Variants in DCHS2 observed in about 807,000 individuals in gnomAD.
DCHS2 encodes dachsous cadherin-related 2.
DCHS2 carries 142 observed loss-of-function variants against 182.4 expected under a neutral mutation model. The observed-to-expected ratio is 0.78, with a 90% CI of 0.68 to 0.89. DCHS2 has a LOEUF of 0.89. DCHS2 is among the 40% of genes least tolerant of loss of function. The pLI is 0.00. For missense variants in DCHS2, 4,319 were observed against 4,198.6 expected, an observed-to-expected ratio of 1.03 and a Z score of -0.79; for synonymous variants, 1,740 against 1,663.3, an observed-to-expected ratio of 1.05 and a Z score of -1.12.
intron 13 of DCHS2, among the ~76,000 whole-genome samples, chr4:154,285,617 T>G (rs1423754415): frequency 6.6e-6 from 1 of 151,314 alleles, no homozygotes; most frequent in Non-Finnish European, 1.5e-5. Context: ...GGGCCTGGAG[T>G]GGTGGTGGCC....
rs114744397 is a variant in DCHS2 at position 154,328,499 on chromosome 4, T to A, written c.3919-307A>T. 5.5e-3 allele frequency among the ~76,000 whole-genome samples: 844 copies of A among 152,308 alleles called. 7 individuals are homozygous for A. Among genetic ancestry groups the A allele is most frequent in the African/African-American group, 0.019 (807 of 41,572 alleles). On this transcript the variant is annotated intron_variant, in intron 6 of 19. Transcript: ENST00000357232. ...GATTTTTGGTGTATTTTAAGATTTC[T>A]AGCATATTCTCATTCATCATCTCTT...
chr4:154,274,825 T>A (rs1395222702), intron 13 of DCHS2, among the ~76,000 whole-genome samples: 1 of 151,754 alleles, frequency 6.6e-6, no homozygotes, highest in Non-Finnish European at 1.5e-5. Context: ...TTTAACTAAC[T>A]TTTTTTTCAA....
At position 154,239,219 on chromosome 4, in the gene DCHS2, A is replaced by G. The variant is rs758828161; in HGVS notation, c.7443T>C (p.Ser2481=). The change falls in exon 19 of 20, where the codon TCT becomes TCC. Residue 2481 remains serine (S), a synonymous_variant. Transcript: ENST00000357232. Reference sequence around the variant, plus strand: ...CCTTAGAAGAGGATAGAATTCTGTAAGAAATGTTCTCATTGCTTTCTAAGT... The same window carrying G: ...CCTTAGAAGAGGATAGAATTCTGTAGGAAATGTTCTCATTGCTTTCTAAGT... ...ATDLESNENI[S]YRILSSSKEF... The G allele has an allele frequency of 3.7e-6, 6 of 1,613,480 alleles. No individual in the cohort carries two copies. Among genetic ancestry groups the G allele is most frequent in the Non-Finnish European group, 5.1e-6 (6 of 1,179,706 alleles).
intron 3 of DCHS2, among the ~76,000 whole-genome samples, chr4:154,365,915 T>C (rs1312178346): frequency 1.3e-5 from 2 of 151,930 alleles, no homozygotes; most frequent in Admixed American, 6.6e-5. Context: ...CCCAAAGTGC[T>C]GGGATTACAG....
At chr4:154,323,264 T>A in intron 7 of DCHS2, 1 of 1,550,306 alleles carries the variant, frequency 6.5e-7, no homozygotes, top group Non-Finnish European at 8.7e-7. Context: ...TTTGTTTGTT[T>A]GTTTGTTTGT....
rs915786861 is a variant in DCHS2, at chr4:154,350,740, A to G, written c.2476+15470T>C. On this transcript the variant is annotated intron_variant, in intron 3 of 19. Transcript: ENST00000357232. Reference sequence around the variant, plus strand: ...TTTTTTTGCTATCAATCTCATCACAAAAGGTATAATCACATGTATTTTGTA... The same window carrying G: ...TTTTTTTGCTATCAATCTCATCACAGAAGGTATAATCACATGTATTTTGTA... Among the ~76,000 whole-genome samples the G allele has an allele frequency of 2.6e-5, 4 of 152,356 alleles. No homozygotes were observed. In the South Asian group the frequency reaches 6.2e-4, roughly 24 times the overall value.
At chr4:154,343,950 A>G (rs1330921946) in intron 3 of DCHS2, among the ~76,000 whole-genome samples, 1 of 151,912 alleles carries the variant, frequency 6.6e-6, no homozygotes, top group Non-Finnish European at 1.5e-5. Context: ...GAGATATGCC[A>G]CTCTTCCTTT....
At chr4:154,453,242 G>A (rs936453273) in intron 1 of DCHS2, among the ~76,000 whole-genome samples, 1 of 150,794 alleles carries the variant, frequency 6.6e-6, no homozygotes, top group Non-Finnish European at 1.5e-5. Context: ...GACATTTTAG[G>A]GGACTGCATA....
At chr4:154,419,891 G>A (rs966389156) in intron 1 of DCHS2, among the ~76,000 whole-genome samples, 2 of 151,838 alleles carry the variant, frequency 1.3e-5, no homozygotes, top group Admixed American at 6.6e-5. Flanking sequence ...ACTGTGGTGT[G>A]TAGGGGGAAG....
chr4:154,489,501 G>A lies in DCHS2; in HGVS notation c.1855C>T (p.Arg619Trp), dbSNP rs763954452. Residue 619 changes from arginine (R) to tryptophan (W), a missense_variant, in exon 1 of 20, where the codon CGG becomes TGG. Coordinates refer to ENST00000357232, the MANE Select transcript of DCHS2 (RefSeq NM_001358235.2). ...TCCTGGACCTCTCGGTCTAGAGTCC[G>A]GATAGTGCTGATCGCACCGCTTTCG... ...DSESGAISTI[R>W]TLDREVQEAV... The A allele has an allele frequency of 6.4e-7, 1 of 1,551,692 alleles. No homozygotes were observed. The highest frequency in any genetic ancestry group is 1.2e-5 in the South Asian group (1 of 84,028).
At chr4:154,244,551 T>C (rs1310808333) in intron 16 of DCHS2, among the ~76,000 whole-genome samples, 2 of 152,338 alleles carry the variant, frequency 1.3e-5, no homozygotes, top group African/African-American at 2.4e-5. Flanking sequence ...GTCTTCAAAG[T>C]TGATACACTT....
intron 1 of DCHS2, among the ~76,000 whole-genome samples, chr4:154,487,932 C>T (rs1435515069): frequency 6.6e-6 from 1 of 152,168 alleles, no homozygotes; most frequent in Non-Finnish European, 1.5e-5. Context: ...AATCCCAGCA[C>T]TTTGGGAGGC....
intron 13 of DCHS2, among the ~76,000 whole-genome samples, chr4:154,276,619 G>A (rs1184200208): frequency 1.3e-5 from 2 of 152,148 alleles, no homozygotes; most frequent in African/African-American, 4.8e-5. Context: ...TGAATTATCT[G>A]TTATCACTTA....
At chr4:154,330,940 C>T (rs1285936410) in intron 5 of DCHS2, among the ~76,000 whole-genome samples, 1 of 152,114 alleles carries the variant, frequency 6.6e-6, no homozygotes, top group Admixed American at 6.5e-5. Context: ...GATGGATAAG[C>T]AGCAGCCTTG....
chr4:154,355,683 T>C (rs1219044620), intron 3 of DCHS2: 1 of 152,130 alleles, frequency 6.6e-6, no homozygotes, highest in Non-Finnish European at 1.5e-5. Flanking sequence ...ATAATGACAT[T>C]TTGGTCAACA....
intron 1 of DCHS2, among the ~76,000 whole-genome samples, chr4:154,422,420 A>G (rs1233424575): frequency 6.6e-6 from 1 of 152,210 alleles, no homozygotes; most frequent in Non-Finnish European, 1.5e-5. Flanking sequence ...TTTACCCAGT[A>G]ACCCACTCCA....
intron 3 of DCHS2, among the ~76,000 whole-genome samples, chr4:154,349,050 CAG>C (rs1276765170): frequency 3.3e-5 from 5 of 151,942 alleles, no homozygotes; most frequent in Admixed American, 3.3e-4. Context: ...TTAAATCAGG[CAG>C]TTAATGCTCA....
At chr4:154,373,087 G>T (rs776294132) in intron 2 of DCHS2, among the ~76,000 whole-genome samples, 1 of 152,156 alleles carries the variant, frequency 6.6e-6, no homozygotes, top group Non-Finnish European at 1.5e-5. Context: ...TTCTGTCAAG[G>T]TTCAGTTTAT....
rs1728785715 is a variant in DCHS2 at position 154,490,616 on chromosome 4, T to G, written c.740A>C (p.Asp247Ala). 6.5e-7 allele frequency: 1 copy of G among 1,549,182 alleles called. No homozygotes were observed. Among genetic ancestry groups the G allele is most frequent in the Non-Finnish European group, 8.7e-7 (1 of 1,146,740 alleles). Residue 247 changes from aspartate to alanine, a missense_variant, in exon 1 of 20, where the codon GAT becomes GCT. Physicochemically the swap from Asp to Ala is moderately radical, Grantham distance 126. Coordinates refer to ENST00000357232, the MANE Select transcript of DCHS2 (RefSeq NM_001358235.2). ...PGSSSPLEPL[D>A]LVLLRRLDRE... is the part of the protein sequence containing the mutation. ...GTCCAAGCGCCGCAGCAGCACCAGA[T>G]CTAGAGGCTCCAGGGGTGACGAGGA...
Sources: gnomAD v4.1 joint callset for allele counts (sites outside exome capture counted in the v4.1 genomes callset) on GRCh38, gnomAD v4.1.1 for gene constraint, MANE v1.5 for transcripts, NCBI Gene and HGNC (gene_info 2026-07-23, HGNC 2026-07-21) for gene names.